The following ESRRG variants were observed in gnomAD, a reference collection of about 807,000 sequenced individuals.
ESRRG encodes estrogen-related receptor gamma.
A neutral mutation model predicts 44.0 loss-of-function variants in ESRRG; 13 were observed. That is an observed-to-expected ratio of 0.30 (90% CI 0.19 to 0.47). ESRRG has a LOEUF of 0.47. Among genes scored for constraint, ESRRG ranks in the 20% least tolerant of loss-of-function variants. The pLI is 1.00. For missense variants in ESRRG, 395 were observed against 580.6 expected (o/e 0.68, Z 3.29); for synonymous variants, 215 against 214.6 (o/e 1.00, Z -0.02).
chr1:217,007,389 G>A (rs1462018100), intron 1 of ESRRG, among the ~76,000 whole-genome samples: 2 of 151,796 alleles, frequency 1.3e-5, no homozygotes, highest in Non-Finnish European at 2.9e-5. Context: ...TCCAAAGGGG[G>A]AAAAGGGGAA....
chr1:216,615,675 C>T lies in ESRRG; in HGVS notation c.589+35298G>A, dbSNP rs1211661140. Among the ~76,000 whole-genome samples the T allele has an allele frequency of 2.6e-5, 4 of 152,040 alleles. No homozygotes were observed. The East Asian group carries it at 7.7e-4, about 29-fold the overall frequency. On this transcript the variant is annotated intron_variant, in intron 3 of 6. Transcript: ENST00000408911. ...TAATGCTGTCCTCACTCTAGTGTTACCCATATGTGGAAAGAAGAAATACTG... is the reference window on the plus strand; with the variant it reads ...TAATGCTGTCCTCACTCTAGTGTTATCCATATGTGGAAAGAAGAAATACTG...
At chr1:216,611,730 A>G (rs1410894524) in intron 3 of ESRRG, among the ~76,000 whole-genome samples, 4 of 151,980 alleles carry the variant, frequency 2.6e-5, no homozygotes, top group Non-Finnish European at 5.9e-5. Flanking sequence ...ACTCACTGTC[A>G]TATATTTTGT....
intron 1 of ESRRG, among the ~76,000 whole-genome samples, chr1:217,000,042 T>C (rs865948699): frequency 1.3e-5 from 2 of 152,228 alleles, no homozygotes; most frequent in Non-Finnish European, 2.9e-5. Flanking sequence ...AGTGACTTCA[T>C]TAAAAGAGCA....
At chr1:216,589,852 C>T (rs958718150) in intron 3 of ESRRG, among the ~76,000 whole-genome samples, 2 of 132,074 alleles carry the variant, frequency 1.5e-5, no homozygotes, top group African/African-American at 3.0e-5. Flanking sequence ...TGCAGTGAGC[C>T]GAGATCGTGC....
intron 2 of ESRRG, among the ~76,000 whole-genome samples, chr1:216,663,015 G>T (rs1054136908): frequency 2.0e-5 from 3 of 152,178 alleles, no homozygotes; most frequent in Non-Finnish European, 2.9e-5. Context: ...TCTTGCTCAC[G>T]ACTCTGTAAG....
At chr1:216,996,633 C>T (rs1181244962) in intron 1 of ESRRG, among the ~76,000 whole-genome samples, 3 of 152,132 alleles carry the variant, frequency 2.0e-5, no homozygotes, top group Non-Finnish European at 4.4e-5. Flanking sequence ...TAGTCTACCA[C>T]GTTGTATATT....
intron 1 of ESRRG, among the ~76,000 whole-genome samples, chr1:216,704,242 G>A (rs771053549): frequency 2.0e-5 from 3 of 152,094 alleles, no homozygotes; most frequent in Non-Finnish European, 4.4e-5. Context: ...GGCTGGGCGC[G>A]GTGGCTCACG....
At chr1:216,537,068 A>G (rs2051192930) in intron 5 of ESRRG, among the ~76,000 whole-genome samples, 1 of 152,046 alleles carries the variant, frequency 6.6e-6, no homozygotes, top group Non-Finnish European at 1.5e-5. Context: ...AGGGTGCTAT[A>G]GACTGACAGT....
chr1:216,705,140 C>T lies in ESRRG; in HGVS notation c.56+18104G>A, dbSNP rs555888392. Among the ~76,000 whole-genome samples, 7 of 152,138 alleles carry T rather than the reference C, an allele frequency of 4.6e-5. No individual in the cohort carries two copies. The South Asian group carries it at 1.5e-3, about 32-fold the overall frequency. On this transcript the variant is annotated intron_variant, in intron 1 of 6. Transcript: ENST00000408911. ...TTTTTTGGGCTAATCAAGTAGGTAC[C>T]TGTCCATGTGGTTTATCTAGGCACA...
intron 5 of ESRRG, among the ~76,000 whole-genome samples, chr1:216,540,354 T>C (rs2052340093): frequency 6.6e-6 from 1 of 151,962 alleles, no homozygotes; most frequent in African/African-American, 2.4e-5. Flanking sequence ...AACTAAAATG[T>C]AAAATATCAG....
intron 1 of ESRRG, among the ~76,000 whole-genome samples, chr1:217,097,084 G>A (rs2092435587): frequency 6.6e-6 from 1 of 152,084 alleles, no homozygotes; most frequent in Non-Finnish European, 1.5e-5. Flanking sequence ...GTGTCGTGAT[G>A]TGCACCTGTA....
intron 2 of ESRRG, among the ~76,000 whole-genome samples, chr1:216,921,614 C>T (rs1168468970): frequency 6.6e-6 from 1 of 152,198 alleles, no homozygotes; most frequent in Non-Finnish European, 1.5e-5. Context: ...AGTCTCTGCT[C>T]CAGGATCACC....
At chr1:216,902,788 A>G (rs2059235755) in intron 2 of ESRRG, among the ~76,000 whole-genome samples, 1 of 152,180 alleles carries the variant, frequency 6.6e-6, no homozygotes. Context: ...GCACTACCTC[A>G]TGGAACATGC....
chr1:216,838,511 T>C (rs1241720478), intron 2 of ESRRG, among the ~76,000 whole-genome samples: 2 of 151,146 alleles, frequency 1.3e-5, no homozygotes, highest in Non-Finnish European at 3.0e-5. Flanking sequence ...AATACAGTGA[T>C]TTTTTTTTGA....
At chr1:216,570,211 G>A (rs953767133) in intron 3 of ESRRG, among the ~76,000 whole-genome samples, 3 of 152,172 alleles carry the variant, frequency 2.0e-5, no homozygotes, top group Non-Finnish European at 2.9e-5. Flanking sequence ...AACATCAGGA[G>A]ACAACTTTGA....
At chr1:216,860,825 G>A (rs2096040156) in intron 2 of ESRRG, among the ~76,000 whole-genome samples, 1 of 152,078 alleles carries the variant, frequency 6.6e-6, no homozygotes, top group African/African-American at 2.4e-5. Flanking sequence ...ATGGTAACTA[G>A]GTGAGTTAAT....
intron 6 of ESRRG, among the ~76,000 whole-genome samples, chr1:216,513,013 A>T (rs143171821): frequency 1.8e-4 from 28 of 152,304 alleles, no homozygotes; most frequent in Non-Finnish European, 3.4e-4. Context: ...AGAGGGAGTG[A>T]AAACCTGTCC....
intron 3 of ESRRG, among the ~76,000 whole-genome samples, chr1:216,636,714 T>A (rs955120275): frequency 6.6e-6 from 1 of 152,242 alleles, no homozygotes; most frequent in Non-Finnish European, 1.5e-5. Context: ...CTTTACAAGC[T>A]TGGGAACTTT....
intron 2 of ESRRG, among the ~76,000 whole-genome samples, chr1:216,798,455 C>G (rs1183059160): frequency 1.3e-5 from 2 of 152,124 alleles, no homozygotes; most frequent in East Asian, 3.9e-4. Flanking sequence ...CACTATAGTA[C>G]AGTGAACAAG....
Sources: gnomAD v4.1 joint callset for allele counts (sites outside exome capture counted in the v4.1 genomes callset) on GRCh38, gnomAD v4.1.1 for gene constraint, MANE v1.5 for transcripts, NCBI Gene and HGNC (gene_info 2026-07-23, HGNC 2026-07-21) for gene names.